Variants in C10orf120 observed in about 807,000 individuals in gnomAD.
C10orf120 encodes uncharacterized protein C10orf120.
In C10orf120, 15 loss-of-function variants were observed where a neutral mutation model predicts 10.8. The observed-to-expected ratio is 1.39, with a 90% CI of 0.93 to 2.14. The LOEUF (loss-of-function observed/expected upper bound fraction) is 2.14, where lower values mean the gene tolerates loss of function less well. Among genes scored for constraint, C10orf120 ranks in the 30% most tolerant of loss-of-function variants. The probability of loss-of-function intolerance (pLI) is 0.00; values close to 1 mark genes in which losing one functional copy is unlikely to be tolerated. For missense variants in C10orf120, 447 were observed against 411.3 expected, an observed-to-expected ratio of 1.09 and a Z score of -0.75; for synonymous variants, 141 against 138.9, an observed-to-expected ratio of 1.02 and a Z score of -0.11.
At position 122,699,741 on chromosome 10, in the gene C10orf120, G is replaced by T; in HGVS notation, c.50C>A (p.Ala17Asp). ...NDCQRIEKQR[A>D]SDTMVQERKN... Reference sequence around the variant, plus strand: ...CCTTTCTTGCACCATTGTGTCACTAGCCCTCTGTTTTTCAATCCTCTGACA... The same window carrying T: ...CCTTTCTTGCACCATTGTGTCACTATCCCTCTGTTTTTCAATCCTCTGACA... Residue 17 changes from alanine to aspartate, a missense_variant, in exon 1 of 3, where the codon GCT (alanine) becomes GAT (aspartate). Transcript: ENST00000329446. 6.2e-7 allele frequency: 1 copy of T among 1,613,930 alleles called. No homozygotes were observed. The highest frequency in any genetic ancestry group is 8.5e-7 in the Non-Finnish European group (1 of 1,179,916).
At position 122,698,163 on chromosome 10, in the gene C10orf120, G is replaced by T. The variant is rs1385594219; in HGVS notation, c.578C>A (p.Ser193Ter). ...ACCCAGGCCCACCCCAGACAGAAAT[G>T]AGGAGCGTGTAAACCTTTCAATGTA... The part of the protein sequence containing the change: ...LPYIERFTRS[S>*]FLSGVGLGPM... The change falls in exon 3 of 3, where the codon TCA becomes TAA. Residue 193 changes from serine (S) to a stop codon, truncating the protein, a stop_gained. Transcript: ENST00000329446. LOFTEE classifies it low-confidence loss of function (END_TRUNC). The T allele has an allele frequency of 6.2e-7, 1 of 1,613,204 alleles. No homozygotes were observed. The highest frequency in any genetic ancestry group is 1.1e-5 in the South Asian group (1 of 90,718).
In C10orf120 at chr10:122,699,633, CT is replaced by C. The variant is rs781185247; in HGVS notation, c.157del (p.Ser53ValfsTer34). The C allele has an allele frequency of 1.9e-6, 3 of 1,611,246 alleles. No individual in the cohort carries two copies. In the South Asian group the frequency reaches 3.3e-5, roughly 18 times the overall value. On this transcript the variant is annotated frameshift_variant, in exon 1 of 3. Transcript: ENST00000329446. LOFTEE classifies it high-confidence loss of function. The part of the protein sequence containing the change: ...QAPTCCQEDL[S>X]SASPLRIWSK... Reference sequence around the variant, plus strand: ...GACTCACCGCAACGGTGAAGCAGAACTCAGATCCTCTTGGCAACACGTTGGG... The same window carrying C: ...GACTCACCGCAACGGTGAAGCAGAACCAGATCCTCTTGGCAACACGTTGGG...
Position 122,698,054 on chromosome 10 carries a change from C to G in C10orf120, c.687G>C (p.Glu229Asp). Residue 229 changes from glutamate (E) to aspartate (D), a missense_variant, in exon 3 of 3, where the codon GAG becomes GAC. Physicochemically the swap from Glu to Asp is conservative, Grantham distance 45. Transcript: ENST00000329446. ...NCDDANQDKK[E>D]EAEGKNTKRR... is the part of the protein sequence containing the mutation. ...TTTTTGTGTTTTTTCCCTCTGCCTCCTCTTTCTTATCTTGGTTGGCATCAT... is the reference window on the plus strand; with the variant it reads ...TTTTTGTGTTTTTTCCCTCTGCCTCGTCTTTCTTATCTTGGTTGGCATCAT... The G allele has an allele frequency of 6.2e-7, 1 of 1,611,448 alleles. No individual in the cohort carries two copies. The highest frequency in any genetic ancestry group is 8.5e-7 in the Non-Finnish European group (1 of 1,179,472).
In C10orf120 at chr10:122,699,743, C is replaced by T. The variant is rs1359269306; in HGVS notation, c.48G>A (p.Arg16=). ...KNDCQRIEKQ[R]ASDTMVQERK... is the part of the protein sequence containing the mutation. ...TTTCTTGCACCATTGTGTCACTAGC[C>T]CTCTGTTTTTCAATCCTCTGACAGT... Residue 16 remains arginine (R), a synonymous_variant, in exon 1 of 3, where the codon AGG becomes AGA. Coordinates refer to ENST00000329446, the MANE Select transcript of C10orf120 (RefSeq NM_001010912.4). The T allele has an allele frequency of 6.2e-7, 1 of 1,613,848 alleles. No individual in the cohort carries two copies. Among genetic ancestry groups the T allele is most frequent in the Non-Finnish European group, 8.5e-7 (1 of 1,179,938 alleles).
At position 122,697,806 on chromosome 10, in the gene C10orf120, A is replaced by G; in HGVS notation, c.935T>C (p.Val312Ala). The G allele has an allele frequency of 6.2e-7, 1 of 1,614,022 alleles. No individual in the cohort carries two copies. The highest frequency in any genetic ancestry group is 2.2e-5 in the East Asian group (1 of 44,884). Residue 312 changes from valine to alanine, a missense_variant, in exon 3 of 3, where the codon GTC becomes GCC. Coordinates refer to ENST00000329446, the MANE Select transcript of C10orf120 (RefSeq NM_001010912.4). ...CTCTTCTTCCAGGCTGTAGGTCTTG[A>G]CCAGATCACTGAAGTGGTCTCTCCG... Reference protein sequence around the residue: ...ISRRDHFSDLVKTYSLEEESI... With the variant: ...ISRRDHFSDLAKTYSLEEESI...
In C10orf120 at chr10:122,697,942, G is replaced by C; in HGVS notation, c.799C>G (p.Leu267Val). 2 of 1,613,900 alleles carry C rather than the reference G, an allele frequency of 1.2e-6. No homozygotes were observed. The highest frequency in any genetic ancestry group is 2.2e-5 in the South Asian group (2 of 90,942). The part of the protein sequence containing the change: ...TYHGNDRKSF[L>V]PAKKPERSIA... ...GACCGTTCCGGTTTCTTTGCGGGGA[G>C]GAATGATTTGCGATCATTTCCATGG... The change falls in exon 3 of 3, where the codon CTC becomes GTC. Residue 267 changes from leucine to valine, a missense_variant. Physicochemically the swap from Leu to Val is conservative, Grantham distance 32. Coordinates refer to ENST00000329446, the MANE Select transcript of C10orf120 (RefSeq NM_001010912.4).
Position 122,697,948 on chromosome 10 carries a change from A to T in C10orf120, c.793T>A (p.Ser265Thr). Residue 265 changes from serine to threonine, a missense_variant, in exon 3 of 3, where the codon TCA becomes ACA. Physicochemically the swap from Ser to Thr is moderately conservative, Grantham distance 58. Transcript: ENST00000329446. ...CLTYHGNDRK[S>T]FLPAKKPERS... Reference sequence around the variant, plus strand: ...TCCGGTTTCTTTGCGGGGAGGAATGATTTGCGATCATTTCCATGGTATGTT... The same window carrying T: ...TCCGGTTTCTTTGCGGGGAGGAATGTTTTGCGATCATTTCCATGGTATGTT... 6 of 1,613,762 alleles carry T rather than the reference A, an allele frequency of 3.7e-6. No individual in the cohort carries two copies. Among genetic ancestry groups the T allele is most frequent in the Non-Finnish European group, 5.1e-6 (6 of 1,179,942 alleles).
Position 122,699,366 on chromosome 10 carries a change from T to A in C10orf120, c.223A>T (p.Lys75Ter), listed in dbSNP as rs1845829973. Residue 75 changes from lysine to a stop codon, truncating the protein, a stop_gained, in exon 2 of 3, where the codon AAA becomes TAA. Transcript: ENST00000329446. LOFTEE classifies it low-confidence loss of function (END_TRUNC). ...ATCTCTTTTTCCAAGGGGGAGTATT[T>A]CCCAAGGGCAATCCGTGGGTCTGAT... ...YRSDPRIALG[K>*]YSPLEKEILR... The A allele has an allele frequency of 6.2e-7, 1 of 1,613,408 alleles. No individual in the cohort carries two copies. Among genetic ancestry groups the A allele is most frequent in the Non-Finnish European group, 8.5e-7 (1 of 1,179,448 alleles).
Position 122,699,435 on chromosome 10 carries a change from A to G in C10orf120, c.177-23T>C, listed in dbSNP as rs1337336314. 3.8e-6 allele frequency: 6 copies of G among 1,588,464 alleles called. No individual in the cohort carries two copies. The African/African-American group carries it at 5.4e-5, about 14-fold the overall frequency. ...ATCCTGCAAGAAGAGAAGCAGGAAT[A>G]TCAGAATTCTGGAAAGGCTCTTCCT... On this transcript the variant is annotated intron_variant, in intron 1 of 2. Coordinates refer to ENST00000329446, the MANE Select transcript of C10orf120 (RefSeq NM_001010912.4).
At position 122,699,403 on chromosome 10, in the gene C10orf120, G is replaced by C. The variant is rs1474647600; in HGVS notation, c.186C>G (p.Ser62Arg). The change falls in exon 2 of 3, where the codon AGC becomes AGG. Residue 62 changes from serine to arginine, a missense_variant. Ser to Arg is a moderately radical substitution (Grantham distance 110). Coordinates refer to ENST00000329446, the MANE Select transcript of C10orf120 (RefSeq NM_001010912.4). ...TCCGTGGGTCTGATCTGTAGAATTT[G>C]CTCCATATCCTGCAAGAAGAGAAGC... ...LSSASPLRIW[S>R]KFYRSDPRIA... 1.2e-6 allele frequency: 2 copies of C among 1,611,548 alleles called. No individual in the cohort carries two copies. The highest frequency in any genetic ancestry group is 4.5e-5 in the East Asian group (2 of 44,840).
chr10:122,698,805 A>G (rs994192523), intron 2 of C10orf120, among the ~76,000 whole-genome samples: 3 of 152,156 alleles, frequency 2.0e-5, no homozygotes, highest in Non-Finnish European at 4.4e-5. Context: ...ATTTACTCAT[A>G]TTTGTAAGTG....
intron 2 of C10orf120, 49 bp from the exon 3 acceptor site, chr10:122,698,537 C>A: frequency 6.3e-7 from 1 of 1,580,912 alleles, no homozygotes; most frequent in Non-Finnish European, 8.6e-7. Flanking sequence ...CAGGGGCAGG[C>A]GGCACCCACA....
rs1408568463 is a variant in C10orf120, at chr10:122,699,695, T to A, written c.96A>T (p.Arg32Ser). 5.0e-6 allele frequency: 8 copies of A among 1,613,766 alleles called. No homozygotes were observed. Among genetic ancestry groups the A allele is most frequent in the Admixed American group, 1.7e-5 (1 of 60,008 alleles). Residue 32 changes from arginine (R) to serine (S), a missense_variant, in exon 1 of 3, where the codon AGA becomes AGT. Arg to Ser is a moderately radical substitution (Grantham distance 110, BLOSUM62 -1). Coordinates refer to ENST00000329446, the MANE Select transcript of C10orf120 (RefSeq NM_001010912.4). ...GAAAGGAAGAGTTGGTATTAAATAT[T>A]CTAACTGGCTTTTCATTCTTCCTTT... ...VQERKNEKPVRIFNTNSSFQD... is the reference protein window; with the variant it reads ...VQERKNEKPVSIFNTNSSFQD...
intron 2 of C10orf120, 31 bp downstream of exon 2, chr10:122,699,306 C>A (rs757590480): frequency 4.6e-6 from 7 of 1,530,714 alleles, no homozygotes; most frequent in Admixed American, 3.4e-5. Context: ...TTCAGTGGGG[C>A]CTCTCCGTGT....
chr10:122,699,295 C>A, intron 2 of C10orf120, 42 bp downstream of exon 2: 1 of 1,459,206 alleles, frequency 6.9e-7, no homozygotes, highest in Non-Finnish European at 9.6e-7. Flanking sequence ...AACTGGCTGG[C>A]TTCAGTGGGG....
chr10:122,699,269 T>C (rs1431045149), intron 2 of C10orf120, 68 bp downstream of exon 2: 4 of 1,091,162 alleles, frequency 3.7e-6, no homozygotes, highest in Non-Finnish European at 5.5e-6. Flanking sequence ...TCTGAACCTT[T>C]GGCTCCCTCT....
Position 122,698,344 on chromosome 10 carries a change from A to T in C10orf120, c.397T>A (p.Cys133Ser). 6.2e-7 allele frequency: 1 copy of T among 1,614,212 alleles called. No individual in the cohort carries two copies. Among genetic ancestry groups the T allele is most frequent in the African/African-American group, 1.3e-5 (1 of 75,066 alleles). The change falls in exon 3 of 3, where the codon TGT (cysteine) becomes AGT (serine). Residue 133 changes from cysteine (C) to serine (S), a missense_variant. By Grantham distance (112) the Cys-to-Ser change is moderately radical. Transcript: ENST00000329446. ...MEYKKKHSSP[C>S]AICVPLEKIW... ...TTTTCTAGGGGTACACAAATAGCACAAGGAGAGGAATGTTTCTTTTTATAC... is the reference window on the plus strand; with the variant it reads ...TTTTCTAGGGGTACACAAATAGCACTAGGAGAGGAATGTTTCTTTTTATAC...
chr10:122,698,113 G>A lies in C10orf120; in HGVS notation c.628C>T (p.Arg210Ter), dbSNP rs200069810. Residue 210 changes from arginine (R) to a stop codon, truncating the protein, a stop_gained, in exon 3 of 3, where the codon CGA (arginine) becomes TGA (stop). Coordinates refer to ENST00000329446, the MANE Select transcript of C10orf120 (RefSeq NM_001010912.4). LOFTEE classifies it low-confidence loss of function (END_TRUNC). Reference protein sequence around the residue: ...LGPMAKNKARRKEDNYDTHNC... With the variant: ...LGPMAKNKAR ...TGGGTGTCATAGTTGTCTTCCTTTC[G>A]TCTGGCCTTATTTTTTGCCATTGGA... 6.7e-5 allele frequency: 108 copies of A among 1,613,096 alleles called. No individual in the cohort carries two copies. In the South Asian group the frequency reaches 8.5e-4, roughly 13 times the overall value.
At position 122,697,808 on chromosome 10, in the gene C10orf120, C is replaced by A; in HGVS notation, c.933G>T (p.Leu311=). The A allele has an allele frequency of 6.2e-7, 1 of 1,613,810 alleles. No homozygotes were observed. The highest frequency in any genetic ancestry group is 8.5e-7 in the Non-Finnish European group (1 of 1,179,670). Residue 311 remains leucine (L), a synonymous_variant, in exon 3 of 3, where the codon CTG becomes CTT. Transcript: ENST00000329446. The stretch of plus-strand genomic sequence containing the variant: ...CTTCTTCCAGGCTGTAGGTCTTGAC[C>A]AGATCACTGAAGTGGTCTCTCCGTG... The part of the protein sequence containing the change: ...FISRRDHFSD[L]VKTYSLEEES...
Sources: gnomAD v4.1 joint callset for allele counts (sites outside exome capture counted in the v4.1 genomes callset) on GRCh38, gnomAD v4.1.1 for gene constraint, MANE v1.5 for transcripts, NCBI Gene and HGNC (gene_info 2026-07-23, HGNC 2026-07-21) for gene names.